The following CCNH variants were observed in gnomAD, a reference collection of about 807,000 sequenced individuals.
The protein encoded by CCNH is cyclin-H.
A neutral mutation model predicts 41.9 loss-of-function variants in CCNH; 31 were observed. That is an observed-to-expected ratio of 0.74 (90% CI 0.56 to 1.00). The LOEUF is 1.00. Ranked by LOEUF, CCNH falls within the 50% of genes least tolerant of loss-of-function variation. CCNH has a pLI of 0.00. For missense variants in CCNH, 362 were observed against 388.4 expected, an observed-to-expected ratio of 0.93 and a Z score of 0.57; for synonymous variants, 138 against 136.1, an observed-to-expected ratio of 1.01 and a Z score of -0.10.
At chr5:87,331,036 T>G in intron 9 of CCNH, 3 of 1,305,594 alleles carry the variant, frequency 2.3e-6, no homozygotes, top group Non-Finnish European at 3.0e-6. Context: ...TAAGTAAAGA[T>G]CTGGTTGCAG....
downstream of CCNH, among the ~76,000 whole-genome samples, chr5:87,313,427 A>G (rs1756071558): frequency 6.6e-6 from 1 of 152,058 alleles, no homozygotes; most frequent in Admixed American, 6.6e-5. Context: ...TGAATGGGAG[A>G]GTGAAAGTCA....
At chr5:87,371,932 TTGTTATTGTTA>T (rs1448460486), downstream of CCNH, among the ~76,000 whole-genome samples, 8 of 151,774 alleles carry the variant, frequency 5.3e-5, no homozygotes, top group East Asian at 5.9e-4. Flanking sequence ...TGTTTTATTA[TTGTTATTGTTA>T]TGTTATTGTT....
chr5:87,398,059 A>G (rs898728939), intron 7 of CCNH, among the ~76,000 whole-genome samples: 3 of 152,226 alleles, frequency 2.0e-5, no homozygotes, highest in Non-Finnish European at 4.4e-5. Flanking sequence ...CAGTGCTGCA[A>G]TACTTTTATT....
At chr5:87,406,594 T>G (rs1267823969) in intron 4 of CCNH, among the ~76,000 whole-genome samples, 2 of 152,072 alleles carry the variant, frequency 1.3e-5, no homozygotes, top group East Asian at 3.8e-4. Context: ...GATTTTGGAT[T>G]TGGGATGCTC....
intron 2 of CCNH, among the ~76,000 whole-genome samples, chr5:87,409,660 G>A (rs1288053805): frequency 1.3e-5 from 2 of 150,736 alleles, no homozygotes; most frequent in Non-Finnish European, 2.9e-5. Flanking sequence ...GTGTGTGTGT[G>A]TGTATTAGAA....
upstream of CCNH, among the ~76,000 whole-genome samples, chr5:87,378,875 T>G (rs2112496632): frequency 6.6e-6 from 1 of 152,338 alleles, no homozygotes; most frequent in Non-Finnish European, 1.5e-5. Flanking sequence ...TTATATAACC[T>G]ATGTAGCACT....
intron 6 of CCNH, 110 bp from the exon 7 acceptor site, chr5:87,399,615 A>T (rs748905246): frequency 2.1e-5 from 15 of 707,852 alleles, no homozygotes; most frequent in Non-Finnish European, 3.5e-5. Context: ...TCTTCAAATG[A>T]CATGGTTATT....
intron 7 of CCNH, among the ~76,000 whole-genome samples, chr5:87,398,142 G>A (rs1252344402): frequency 6.6e-6 from 1 of 152,210 alleles, no homozygotes; most frequent in Non-Finnish European, 1.5e-5. Context: ...AGGAGTGAAT[G>A]AAATCCACCA....
chr5:87,349,272 A>C lies in CCNH; in HGVS notation c.*91-30375T>G, dbSNP rs1193516592. ...CAGATAATACTCCTGGCGATTATTC[A>C]CTTTATTTCCGGACCAATGAAAATA... On this transcript the variant is annotated intron_variant and NMD_transcript_variant, in intron 9 of 9. Transcript: ENST00000645953. 1.9e-6 allele frequency: 3 copies of C among 1,612,064 alleles called. No homozygotes were observed. Among genetic ancestry groups the C allele is most frequent in the African/African-American group, 1.3e-5 (1 of 74,804 alleles).
downstream of CCNH, chr5:87,391,975 T>G (rs910085530): frequency 6.3e-5 from 14 of 222,092 alleles, no homozygotes; most frequent in Non-Finnish European, 1.3e-4. Context: ...TTCTTCCTCC[T>G]TCAGGGGCAG....
intron 9 of CCNH, among the ~76,000 whole-genome samples, chr5:87,349,926 A>G (rs1759133952): frequency 6.6e-6 from 1 of 151,882 alleles, no homozygotes; most frequent in Non-Finnish European, 1.5e-5. Context: ...ATATGATAGA[A>G]TGTCAGCAAT....
chr5:87,376,199 A>G, downstream of CCNH: 4 of 650,456 alleles, frequency 6.1e-6, no homozygotes, highest in East Asian at 8.4e-5. Context: ...TGTACTCTCT[A>G]CCTATCAGAG....
intron 9 of CCNH, among the ~76,000 whole-genome samples, chr5:87,323,716 TC>T (rs1757000077): frequency 6.6e-6 from 1 of 152,034 alleles, no homozygotes; most frequent in African/African-American, 2.4e-5. Context: ...ATAAGTCAAT[TC>T]TTTTTTTTTT....
At chr5:87,386,583 A>G (rs952882687), downstream of CCNH, among the ~76,000 whole-genome samples, 6 of 151,952 alleles carry the variant, frequency 3.9e-5, no homozygotes, top group Non-Finnish European at 4.4e-5. Flanking sequence ...CAGTATAGCC[A>G]TTTGCTTATA....
upstream of CCNH, chr5:87,380,705 C>A: frequency 9.8e-7 from 1 of 1,019,074 alleles, no homozygotes; most frequent in Non-Finnish European, 1.5e-6. Flanking sequence ...GCTTTTATGT[C>A]AAAGCCCTGT....
chr5:87,392,402 G>A, downstream of CCNH: 1 of 454,018 alleles, frequency 2.2e-6, no homozygotes, highest in Non-Finnish European at 4.4e-6. Context: ...ATCTCAACAT[G>A]TCCCATGCTC....
chr5:87,362,625 T>A (rs764897931), intron 9 of CCNH: 1 of 1,600,100 alleles, frequency 6.2e-7, no homozygotes, highest in South Asian at 1.1e-5. Context: ...AAACAAAGGA[T>A]GCCTTTTATA....
At chr5:87,316,156 A>G (rs1365181591), downstream of CCNH, among the ~76,000 whole-genome samples, 2 of 152,238 alleles carry the variant, frequency 1.3e-5, no homozygotes, top group Non-Finnish European at 2.9e-5. Flanking sequence ...AATTACAAGT[A>G]TAAATTTAAA....
chr5:87,384,909 TC>T (rs1761964424), intron 9 of CCNH, among the ~76,000 whole-genome samples: 1 of 152,100 alleles, frequency 6.6e-6, no homozygotes, highest in African/African-American at 2.4e-5. Context: ...AGGGAATTGC[TC>T]AGATTGCTAA....
Sources: gnomAD v4.1 joint callset for allele counts (sites outside exome capture counted in the v4.1 genomes callset) on GRCh38, gnomAD v4.1.1 for gene constraint, MANE v1.5 for transcripts, NCBI Gene and HGNC (gene_info 2026-07-23, HGNC 2026-07-21) for gene names.